The following SCN7A variants were observed in gnomAD, a reference collection of about 807,000 sequenced individuals.
SCN7A encodes the protein sodium channel protein type 7 subunit alpha.
A neutral mutation model predicts 155.2 loss-of-function variants in SCN7A; 138 were observed. The observed-to-expected ratio is 0.89, with a 90% CI of 0.77 to 1.02. The LOEUF is 1.02. Ranked by LOEUF, SCN7A falls within the 50% of genes least tolerant of loss-of-function variation. The pLI, the probability that SCN7A is intolerant of heterozygous loss-of-function variation, is 0.00. For synonymous variants in SCN7A, 693 were observed against 649.0 expected, an observed-to-expected ratio of 1.07 and a Z score of -1.03; for missense variants, 2,058 against 1,986.6, an observed-to-expected ratio of 1.04 and a Z score of -0.68.
intron 1 of SCN7A, among the ~76,000 whole-genome samples, chr2:166,489,941 T>G (rs950759673): frequency 1.3e-5 from 2 of 152,012 alleles, no homozygotes; most frequent in African/African-American, 4.8e-5. Context: ...AAATATTTTG[T>G]CTCTAATTGA....
At chr2:166,457,219 T>C in intron 10 of SCN7A, 143 bp from the exon 11 acceptor site, 1 of 616,266 alleles carries the variant, frequency 1.6e-6, no homozygotes, top group Admixed American at 3.1e-5. Flanking sequence ...GTTTAAGCAC[T>C]GGCTCCACCT....
chr2:166,466,741 T>G (rs1334158605), intron 7 of SCN7A, among the ~76,000 whole-genome samples: 1 of 152,014 alleles, frequency 6.6e-6, no homozygotes, highest in African/African-American at 2.4e-5. Flanking sequence ...ATTAGTATCC[T>G]AATAACTGCT....
At chr2:166,488,453 A>G (rs1161842711) in intron 1 of SCN7A, among the ~76,000 whole-genome samples, 1 of 152,156 alleles carries the variant, frequency 6.6e-6, no homozygotes, top group Non-Finnish European at 1.5e-5. Flanking sequence ...AAGGATAGAC[A>G]TAAAGTTGCC....
At chr2:166,419,002 T>C (rs1297950496) in intron 20 of SCN7A, among the ~76,000 whole-genome samples, 1 of 152,142 alleles carries the variant, frequency 6.6e-6, no homozygotes, top group Admixed American at 6.6e-5. Flanking sequence ...TCCACAGCCA[T>C]TGTTTCATTG....
chr2:166,466,614 A>G (rs1289932965), intron 7 of SCN7A, among the ~76,000 whole-genome samples: 2 of 152,028 alleles, frequency 1.3e-5, no homozygotes, highest in Admixed American at 6.6e-5. Context: ...TAACATAATC[A>G]TATCTCATAG....
chr2:166,434,532 A>G (rs1200610603), intron 15 of SCN7A, among the ~76,000 whole-genome samples: 2 of 152,186 alleles, frequency 1.3e-5, no homozygotes, highest in Non-Finnish European at 2.9e-5. Context: ...AAGCAGACTT[A>G]GGTCTAATCT....
Position 166,414,007 on chromosome 2 carries a change from A to T in SCN7A, c.3415-886T>A, listed in dbSNP as rs1429430712. Among the ~76,000 whole-genome samples the T allele has an allele frequency of 3.9e-5, 3 of 77,834 alleles. 1 individual carries two copies. Among genetic ancestry groups the T allele is most frequent in the Non-Finnish European group, 7.5e-5 (3 of 40,108 alleles). The allele number at this position is 77,834 out of a possible 152,430, so 51.1% of individuals were successfully genotyped here. Reference sequence around the variant, plus strand: ...TATATATATATATATATATATAAATATACTATATATATGTAAATATATATA... The same window carrying T: ...TATATATATATATATATATATAAATTTACTATATATATGTAAATATATATA... On this transcript the variant is annotated intron_variant, in intron 21 of 25. Transcript: ENST00000643258.
intron 10 of SCN7A, among the ~76,000 whole-genome samples, chr2:166,460,970 T>G (rs1246622605): frequency 6.6e-6 from 1 of 151,264 alleles, no homozygotes; most frequent in East Asian, 1.9e-4. Context: ...TCAAAGAGAC[T>G]GGAAATACCA....
At chr2:166,419,257 T>C (rs952047506) in intron 20 of SCN7A, among the ~76,000 whole-genome samples, 2 of 152,068 alleles carry the variant, frequency 1.3e-5, no homozygotes, top group East Asian at 1.9e-4. Context: ...TGTGTGTGTG[T>C]GCATGTGTAT....
chr2:166,435,433 G>T (rs574970715), intron 15 of SCN7A, among the ~76,000 whole-genome samples: 1 of 152,000 alleles, frequency 6.6e-6, no homozygotes, highest in East Asian at 1.9e-4. Context: ...GAGAGAAAAG[G>T]TGAAATAGTG....
Position 166,409,782 on chromosome 2 carries a change from T to C in SCN7A, c.3865A>G (p.Ile1289Val). 2 of 1,569,288 alleles carry C rather than the reference T, an allele frequency of 1.3e-6. No homozygotes were observed. Among genetic ancestry groups the C allele is most frequent in the South Asian group, 1.2e-5 (1 of 85,600 alleles). Residue 1289 changes from isoleucine to valine, a missense_variant, in exon 25 of 26, where the codon ATT becomes GTT. Ile to Val is a conservative substitution (Grantham distance 29). Transcript: ENST00000643258. ...TCCATAGTATATAGCATAACAAAAATTGAGTTAATCCAGTAGAGAGCAATG... is the reference window on the plus strand; with the variant it reads ...TCCATAGTATATAGCATAACAAAAACTGAGTTAATCCAGTAGAGAGCAATG... ...MSIALYWINS[I>V]FVMLYTMECI...
At chr2:166,466,726 T>C (rs1702542566) in intron 7 of SCN7A, among the ~76,000 whole-genome samples, 1 of 152,068 alleles carries the variant, frequency 6.6e-6, no homozygotes, top group Non-Finnish European at 1.5e-5. Context: ...TGCTAGTCTG[T>C]GTGCATTAGT....
At chr2:166,420,686 T>G (rs1559093313) in intron 20 of SCN7A, among the ~76,000 whole-genome samples, 1 of 152,026 alleles carries the variant, frequency 6.6e-6, no homozygotes. Flanking sequence ...AGAAGAGGTT[T>G]TAACATGTGA....
chr2:166,487,917 A>G (rs1703088013), intron 1 of SCN7A, among the ~76,000 whole-genome samples: 1 of 152,216 alleles, frequency 6.6e-6, no homozygotes, highest in South Asian at 2.1e-4. Flanking sequence ...GCTATTTTGA[A>G]ACAATTATGC....
intron 9 of SCN7A, among the ~76,000 whole-genome samples, chr2:166,464,116 G>T (rs1048591802): frequency 6.6e-6 from 1 of 150,860 alleles, no homozygotes. Flanking sequence ...ACATACATAT[G>T]TGTATATATA....
chr2:166,459,904 C>T lies in SCN7A; in HGVS notation c.1083+2485G>A, dbSNP rs1251138677. On this transcript the variant is annotated intron_variant, in intron 10 of 25. Coordinates refer to ENST00000643258, the MANE Select transcript of SCN7A (RefSeq NM_002976.4). Reference sequence around the variant, plus strand: ...GAAAACCAAACACCACATATTCTCACTCATAAATGGGAGTTGAATAATGAG... The same window carrying T: ...GAAAACCAAACACCACATATTCTCATTCATAAATGGGAGTTGAATAATGAG... Among the ~76,000 whole-genome samples the T allele has an allele frequency of 2.0e-5, 3 of 152,124 alleles. No individual in the cohort carries two copies. The East Asian group carries it at 5.8e-4, about 29-fold the overall frequency.
At chr2:166,453,102 T>C (rs1702207121) in intron 11 of SCN7A, among the ~76,000 whole-genome samples, 1 of 152,168 alleles carries the variant, frequency 6.6e-6, no homozygotes, top group Non-Finnish European at 1.5e-5. Flanking sequence ...TATAATAACA[T>C]AAACATTTTA....
At chr2:166,488,097 G>T (rs553019109) in intron 1 of SCN7A, among the ~76,000 whole-genome samples, 1 of 152,290 alleles carries the variant, frequency 6.6e-6, no homozygotes, top group South Asian at 2.1e-4. Flanking sequence ...AATCTGTATT[G>T]TTGAGAATGT....
At chr2:166,464,938 T>G (rs1702494946) in intron 9 of SCN7A, among the ~76,000 whole-genome samples, 1 of 152,194 alleles carries the variant, frequency 6.6e-6, no homozygotes, top group South Asian at 2.1e-4. Context: ...TTAATAAAAT[T>G]GGATGAATAG....
Sources: gnomAD v4.1 joint callset for allele counts (sites outside exome capture counted in the v4.1 genomes callset) on GRCh38, gnomAD v4.1.1 for gene constraint, MANE v1.5 for transcripts, NCBI Gene and HGNC (gene_info 2026-07-23, HGNC 2026-07-21) for gene names.